Variants in SGCD observed in about 807,000 individuals in gnomAD.
The protein encoded by SGCD is sarcoglycan delta.
Under a neutral mutation model 36.6 loss-of-function variants are expected in SGCD, and 18 were observed. The ratio of observed to expected loss-of-function variants is 0.49; its 90% confidence interval spans 0.34 to 0.73. SGCD has a LOEUF of 0.73. SGCD is among the 30% of genes least tolerant of loss of function. The pLI, the probability that SGCD is intolerant of heterozygous loss-of-function variation, is 0.01. For missense variants in SGCD, 387 were observed against 346.7 expected, an observed-to-expected ratio of 1.12 and a Z score of -0.92; for synonymous variants, 133 against 130.6, an observed-to-expected ratio of 1.02 and a Z score of -0.12.
At chr5:156,682,699 G>A (rs1211762069) in intron 7 of SGCD, among the ~76,000 whole-genome samples, 1 of 152,210 alleles carries the variant, frequency 6.6e-6, no homozygotes, top group African/African-American at 2.4e-5. Context: ...GAAGAGAGAT[G>A]GAGGATATCA....
chr5:155,757,667 G>A, the SGCD span, among the ~76,000 whole-genome samples: 1 of 152,218 alleles, frequency 6.6e-6, no homozygotes, highest in Non-Finnish European at 1.5e-5. Context: ...GGGTTGTACA[G>A]GATGTTGGGT....
intron 1 of SGCD, among the ~76,000 whole-genome samples, chr5:156,112,225 G>C (rs1029454778): frequency 1.3e-5 from 2 of 152,098 alleles, no homozygotes; most frequent in Admixed American, 1.3e-4. Context: ...CAAATGGCTC[G>C]TGTAAGTTCA....
At chr5:155,930,667 A>ATTATAT (rs1757082236) in intron 1 of SGCD, among the ~76,000 whole-genome samples, 2 of 152,282 alleles carry the variant, frequency 1.3e-5, no homozygotes, top group East Asian at 3.9e-4. Context: ...GTTCTGTTCC[A>ATTATAT]CATTTATTAT....
intron 3 of SGCD, among the ~76,000 whole-genome samples, chr5:156,488,450 CAG>C (rs1057206504): frequency 6.6e-6 from 1 of 151,968 alleles, no homozygotes; most frequent in East Asian, 1.9e-4. Context: ...ATCAAACTAA[CAG>C]AGATTTCTCC....
At chr5:156,719,560 T>C (rs1055250329) in intron 7 of SGCD, among the ~76,000 whole-genome samples, 12 of 152,110 alleles carry the variant, frequency 7.9e-5, no homozygotes, top group African/African-American at 2.7e-4. Context: ...TCTAGCACAT[T>C]AATAATTATT....
At chr5:156,550,003 A>C (rs1758725985) in intron 4 of SGCD, among the ~76,000 whole-genome samples, 1 of 152,250 alleles carries the variant, frequency 6.6e-6, no homozygotes, top group Non-Finnish European at 1.5e-5. Context: ...TTTCATGTAA[A>C]GTGCCATGAG....
chr5:156,093,168 C>G (rs1761286773), intron 1 of SGCD, among the ~76,000 whole-genome samples: 1 of 152,216 alleles, frequency 6.6e-6, no homozygotes, highest in African/African-American at 2.4e-5. Context: ...TTTTGGGCAG[C>G]TGTCTTTCCA....
chr5:156,633,957 C>T lies in SGCD; in HGVS notation c.503-13507C>T, dbSNP rs546622675. On this transcript the variant is annotated intron_variant, in intron 6 of 8. Transcript: ENST00000337851. ...AGGTGTGGGCCAAGGGTACTGTCTT[C>T]TAGGGGCATGACACAGCCATCCTTT... is the stretch of plus-strand genomic sequence containing the variant. 2.0e-5 allele frequency among the ~76,000 whole-genome samples: 3 copies of T among 152,276 alleles called. No homozygotes were observed. The South Asian group carries it at 6.2e-4, about 32-fold the overall frequency.
At position 156,310,312 on chromosome 5, in the gene SGCD, C is replaced by A. The variant is rs1455653116; in HGVS notation, c.-43-19222C>A. On this transcript the variant is annotated intron_variant, in intron 3 of 9. Coordinates refer to the SGCD transcript ENST00000517913. ...TTGTCAGAGGAGGAAGAGCTTGCAA[C>A]ACTGGAGGGTTGTGCAACAGTTGCT... Among the ~76,000 whole-genome samples the A allele has an allele frequency of 3.3e-5, 5 of 152,200 alleles. No individual in the cohort carries two copies. The East Asian group carries it at 9.6e-4, about 29-fold the overall frequency.
the SGCD span, among the ~76,000 whole-genome samples, chr5:155,775,287 T>C: frequency 6.6e-6 from 1 of 152,186 alleles, no homozygotes; most frequent in Non-Finnish European, 1.5e-5. Context: ...GACTGTAAGC[T>C]TCTTGGGGAT....
intron 3 of SGCD, among the ~76,000 whole-genome samples, chr5:156,506,801 A>G (rs1361272923): frequency 2.0e-5 from 3 of 152,208 alleles, no homozygotes; most frequent in Admixed American, 1.3e-4. Context: ...AAGATCAACA[A>G]TAAAGGAGGG....
chr5:156,581,111 T>C (rs1760237154), intron 4 of SGCD, among the ~76,000 whole-genome samples: 3 of 152,216 alleles, frequency 2.0e-5, no homozygotes, highest in African/African-American at 7.2e-5. Context: ...TTTGTTGATG[T>C]TGATGCTATT....
chr5:155,987,529 T>C (rs1311195414), intron 1 of SGCD, among the ~76,000 whole-genome samples: 2 of 152,216 alleles, frequency 1.3e-5, no homozygotes, highest in African/African-American at 4.8e-5. Flanking sequence ...CTTGATTATG[T>C]CACTGCCTTG....
the SGCD span, among the ~76,000 whole-genome samples, chr5:155,845,138 G>C: frequency 1.2e-4 from 19 of 152,186 alleles, no homozygotes; most frequent in African/African-American, 4.6e-4. Flanking sequence ...TTGGTTTTCT[G>C]TTCTTATGTT....
chr5:156,342,030 C>T (rs951390245), intron 2 of SGCD, among the ~76,000 whole-genome samples: 1 of 152,164 alleles, frequency 6.6e-6, no homozygotes, highest in Non-Finnish European at 1.5e-5. Flanking sequence ...ATGTTTTTAA[C>T]AGCTCCATCA....
chr5:156,340,201 G>A (rs1176894642), intron 2 of SGCD, among the ~76,000 whole-genome samples: 1 of 152,210 alleles, frequency 6.6e-6, no homozygotes, highest in Non-Finnish European at 1.5e-5. Flanking sequence ...ATTATTGACA[G>A]TAGAGCATTT....
chr5:156,100,750 G>T (rs933816817), intron 1 of SGCD, among the ~76,000 whole-genome samples: 1 of 152,150 alleles, frequency 6.6e-6, no homozygotes, highest in African/African-American at 2.4e-5. Flanking sequence ...GAACTCTATT[G>T]ATTTGTAATA....
intron 1 of SGCD, among the ~76,000 whole-genome samples, chr5:155,956,814 A>T (rs1757665205): frequency 7.1e-6 from 1 of 141,268 alleles, no homozygotes; most frequent in African/African-American, 2.6e-5. Flanking sequence ...CCCCCGGTTA[A>T]TCCAGGATGA....
chr5:156,494,868 TC>T (rs1340103050), intron 3 of SGCD, among the ~76,000 whole-genome samples: 2 of 152,108 alleles, frequency 1.3e-5, no homozygotes, highest in African/African-American at 4.8e-5. Flanking sequence ...ACTCAGACCT[TC>T]CCAGGCCTGG....
Sources: allele counts gnomAD v4.1 joint callset (sites outside exome capture counted in the v4.1 genomes callset), GRCh38; gene constraint gnomAD v4.1.1; transcripts MANE v1.5; gene names NCBI Gene and HGNC (gene_info 2026-07-23, HGNC 2026-07-21).